The following ATIC variants were observed in gnomAD, a reference collection of about 807,000 sequenced individuals.
The protein encoded by ATIC is bifunctional purine biosynthesis protein ATIC.
A neutral mutation model predicts 72.5 loss-of-function variants in ATIC; 64 were observed. The observed-to-expected ratio is 0.88, with a 90% CI of 0.72 to 1.09. The LOEUF (loss-of-function observed/expected upper bound fraction) is 1.09. Ranked by LOEUF, ATIC falls within the 50% of genes least tolerant of loss-of-function variation. The pLI, the probability that ATIC is intolerant of heterozygous loss-of-function variation, is 0.00. For missense variants in ATIC, 787 were observed against 732.4 expected, an observed-to-expected ratio of 1.07 and a Z score of -0.86; for synonymous variants, 281 against 267.1, an observed-to-expected ratio of 1.05 and a Z score of -0.51.
chr2:215,346,615 A>T, intron 13 of ATIC, 144 bp from the exon 14 acceptor site: 2 of 942,918 alleles, frequency 2.1e-6, no homozygotes, highest in Non-Finnish European at 3.4e-6. Context: ...AATGACTTAA[A>T]AATTATTTAT....
chr2:215,354,297 T>C (rs935283798), downstream of ATIC, among the ~76,000 whole-genome samples: 1 of 152,208 alleles, frequency 6.6e-6, no homozygotes, highest in African/African-American at 2.4e-5. Context: ...CCCAAAGTGC[T>C]GGGATTACAG....
chr2:215,346,886 A>G lies in ATIC; in HGVS notation c.1448A>G (p.Lys483Arg). The change falls in exon 14 of 16, where the codon AAG becomes AGG. Residue 483 changes from lysine to arginine, a missense_variant. Physicochemically the swap from Lys to Arg is conservative, Grantham distance 26. Coordinates refer to ENST00000236959, the MANE Select transcript of ATIC (RefSeq NM_004044.7). The stretch of plus-strand genomic sequence containing the variant: ...TCGATGAAGTTTAAAACAGGAGTGA[A>G]GAGAGCAGAAATCTCCAATGCCATC... The part of the protein sequence containing the change: ...VLSMKFKTGV[K>R]RAEISNAIDQ... 1 of 1,614,236 alleles carries G rather than the reference A, an allele frequency of 6.2e-7. No homozygotes were observed. Among genetic ancestry groups the G allele is most frequent in the Non-Finnish European group, 8.5e-7 (1 of 1,180,040 alleles).
chr2:215,364,543 A>C, the ATIC span: 7 of 392,436 alleles, frequency 1.8e-5, no homozygotes, highest in African/African-American at 1.0e-4. Context: ...CAGTGTAAAT[A>C]GTATCTCTGA....
At chr2:215,340,070 A>T (rs182113647) in intron 12 of ATIC, among the ~76,000 whole-genome samples, 1 of 152,280 alleles carries the variant, frequency 6.6e-6, no homozygotes, top group Admixed American at 6.5e-5. Context: ...GCTCACTGCA[A>T]CGTGGATCTT....
the ATIC span, among the ~76,000 whole-genome samples, chr2:215,359,072 A>G: frequency 1.3e-5 from 2 of 151,964 alleles, no homozygotes; most frequent in Non-Finnish European, 2.9e-5. Context: ...TTGTAGAGAC[A>G]GGGGTCTCGC....
chr2:215,354,895 C>T, the ATIC span, among the ~76,000 whole-genome samples: 1 of 151,816 alleles, frequency 6.6e-6, no homozygotes, highest in African/African-American at 2.4e-5. Context: ...TGAGACAGCC[C>T]AGCTGATGCA....
chr2:215,319,068 A>G (rs768132798), intron 3 of ATIC, among the ~76,000 whole-genome samples: 39 of 151,818 alleles, frequency 2.6e-4, no homozygotes, highest in Non-Finnish European at 4.3e-4. Flanking sequence ...TTTTATAGAG[A>G]CGGGGTCTCA....
At chr2:215,325,490 A>G (rs1198034932) in intron 5 of ATIC, among the ~76,000 whole-genome samples, 161 bp downstream of exon 5, 1 of 151,854 alleles carries the variant, frequency 6.6e-6, no homozygotes, top group Non-Finnish European at 1.5e-5. Flanking sequence ...TCTTTTTTTC[A>G]TTTATATTTT....
intron 9 of ATIC, 151 bp downstream of exon 9, chr2:215,333,608 T>C (rs2052919763): frequency 1.8e-6 from 1 of 547,110 alleles, no homozygotes; most frequent in East Asian, 3.0e-5. Flanking sequence ...TATGTAAATA[T>C]ACAGTTATTC....
At chr2:215,338,460 T>A (rs1042370986) in intron 11 of ATIC, among the ~76,000 whole-genome samples, 2 of 152,206 alleles carry the variant, frequency 1.3e-5, no homozygotes, top group Admixed American at 6.5e-5. Flanking sequence ...ATACACTCAC[T>A]GGAATCATTG....
chr2:215,341,339 A>G (rs2053016704), intron 12 of ATIC, among the ~76,000 whole-genome samples: 1 of 152,158 alleles, frequency 6.6e-6, no homozygotes, highest in Admixed American at 6.5e-5. Context: ...AATTGTGCCT[A>G]GCTACTGAGA....
intron 7 of ATIC, 45 bp downstream of exon 7, chr2:215,327,023 G>A: frequency 3.7e-6 from 6 of 1,613,198 alleles, no homozygotes; most frequent in Non-Finnish European, 5.1e-6. Context: ...TGCCTGGAGA[G>A]TGTGTGTTTC....
At chr2:215,338,560 G>A (rs533166057) in intron 11 of ATIC, among the ~76,000 whole-genome samples, 3 of 152,068 alleles carry the variant, frequency 2.0e-5, no homozygotes, top group Non-Finnish European at 4.4e-5. Flanking sequence ...AAATATTAGC[G>A]CCTGGCTGTT....
chr2:215,359,103 T>C, the ATIC span, among the ~76,000 whole-genome samples: 1 of 152,136 alleles, frequency 6.6e-6, no homozygotes. Flanking sequence ...AGACTGGCCT[T>C]GAACTCCCGA....
At chr2:215,323,987 T>G (rs1379460725) in intron 4 of ATIC, among the ~76,000 whole-genome samples, 1 of 152,132 alleles carries the variant, frequency 6.6e-6, no homozygotes, top group African/African-American at 2.4e-5. Flanking sequence ...GTCTTGAACT[T>G]CCAACCTCAG....
the ATIC span, among the ~76,000 whole-genome samples, chr2:215,363,918 T>A: frequency 1.3e-5 from 2 of 152,222 alleles, no homozygotes; most frequent in African/African-American, 4.8e-5. Flanking sequence ...TCCCATCTAT[T>A]TTCTTACCAG....
At chr2:215,332,336 C>G in intron 7 of ATIC, 46 bp from the exon 8 acceptor site, 8 of 1,613,016 alleles carry the variant, frequency 5.0e-6, no homozygotes, top group Non-Finnish European at 5.9e-6. Flanking sequence ...TACATCTGAC[C>G]TTACTGATCC....
chr2:215,312,201 T>A, intron 1 of ATIC, 40 bp downstream of exon 1: 1 of 1,486,164 alleles, frequency 6.7e-7, no homozygotes, highest in Non-Finnish European at 8.9e-7. Context: ...CGTCCTCGCC[T>A]GCGGCCCCCC....
At chr2:215,326,169 AC>A in intron 6 of ATIC, 31 bp downstream of exon 6, 1 of 1,613,130 alleles carries the variant, frequency 6.2e-7, no homozygotes, top group Non-Finnish European at 8.5e-7. Flanking sequence ...ATTGTAAGTT[AC>A]ATCCATGGAG....
Sources: gnomAD v4.1 joint callset for allele counts (sites outside exome capture counted in the v4.1 genomes callset) on GRCh38, gnomAD v4.1.1 for gene constraint, MANE v1.5 for transcripts, NCBI Gene and HGNC (gene_info 2026-07-23, HGNC 2026-07-21) for gene names.